Variants in EPS8 observed in about 807,000 individuals in gnomAD.
EPS8 encodes epidermal growth factor receptor kinase substrate 8.
EPS8 carries 42 observed loss-of-function variants against 103.8 expected under a neutral mutation model. The observed-to-expected ratio is 0.40, with a 90% CI of 0.32 to 0.52. The LOEUF (loss-of-function observed/expected upper bound fraction) is 0.52, where lower values mean the gene tolerates loss of function less well. Among genes scored for constraint, EPS8 ranks in the 20% least tolerant of loss-of-function variants. EPS8 has a pLI of 0.40. For missense variants in EPS8, 969 were observed against 1,005.1 expected, an observed-to-expected ratio of 0.96 and a Z score of 0.49; for synonymous variants, 344 against 344.6, an observed-to-expected ratio of 1.00 and a Z score of 0.02.
At position 15,629,026 on chromosome 12, in the gene EPS8, T is replaced by G. The variant is rs1294900592; in HGVS notation, c.2044+2416A>C. On this transcript the variant is annotated intron_variant, in intron 18 of 20. Transcript: ENST00000281172. Reference sequence around the variant, plus strand: ...GCCAAACTGTATTTTTGAGATATTTTAAAAAGGAACTTACATAAGTTGCAA... The same window carrying G: ...GCCAAACTGTATTTTTGAGATATTTGAAAAAGGAACTTACATAAGTTGCAA... Among the ~76,000 whole-genome samples the G allele has an allele frequency of 3.3e-5, 5 of 152,318 alleles. No individual in the cohort carries two copies. The East Asian group carries it at 9.6e-4, about 29-fold the overall frequency.
At chr12:15,635,871 G>T (rs182282593) in intron 17 of EPS8, among the ~76,000 whole-genome samples, 1 of 152,172 alleles carries the variant, frequency 6.6e-6, no homozygotes, top group African/African-American at 2.4e-5. Context: ...TATGGGAAAC[G>T]TTTTGTTGAA....
intron 18 of EPS8, among the ~76,000 whole-genome samples, chr12:15,624,704 T>G (rs1295243802): frequency 6.6e-6 from 1 of 152,236 alleles, no homozygotes; most frequent in Non-Finnish European, 1.5e-5. Context: ...AACACAACAA[T>G]GCTGAATGAT....
At chr12:15,675,827 T>C (rs1183577206) in intron 3 of EPS8, among the ~76,000 whole-genome samples, 1 of 152,210 alleles carries the variant, frequency 6.6e-6, no homozygotes, top group African/African-American at 2.4e-5. Flanking sequence ...ATATCTAATT[T>C]AAAGAGAAGT....
In EPS8 at chr12:15,681,242, A is replaced by T; in HGVS notation, c.120T>A (p.Ser40Arg). ...QTDREHGSKTSAKALYEQRKN... is the reference protein window; with the variant it reads ...QTDREHGSKTRAKALYEQRKN... ...CAAACCTACCATAAAGGGCCTTTGC[A>T]CTTGTTTTTGAACCATGTTCTCTGT... The change falls in exon 3 of 21, where the codon AGT becomes AGA. Residue 40 changes from serine to arginine, a missense_variant. Ser to Arg is a moderately radical substitution (Grantham distance 110, BLOSUM62 -1). Transcript: ENST00000281172. 1 of 1,568,934 alleles carries T rather than the reference A, an allele frequency of 6.4e-7. No homozygotes were observed. The highest frequency in any genetic ancestry group is 1.2e-5 in the South Asian group (1 of 84,662).
At chr12:15,756,729 C>T (rs1020660005) in intron 1 of EPS8, among the ~76,000 whole-genome samples, 4 of 152,032 alleles carry the variant, frequency 2.6e-5, no homozygotes, top group East Asian at 3.9e-4. Flanking sequence ...TTCTTATTTA[C>T]GTAGGAAGAA....
rs1946250862 is a variant in EPS8 at position 15,696,907 on chromosome 12, A to C, written c.-21-13935T>G. On this transcript the variant is annotated intron_variant, in intron 1 of 20. Coordinates refer to ENST00000281172, the MANE Select transcript of EPS8 (RefSeq NM_004447.6). This position sits in a 1 kb window ranked among gnomAD's most constrained non-coding sequence, Gnocchi z 4.8. ...ATTAGCAGGGAAGGGAGAGTGACCA[A>C]AGAACCTTCATGTTCCCGGATCACA... 6.6e-6 allele frequency among the ~76,000 whole-genome samples: 1 copy of C among 152,308 alleles called. No homozygotes were observed.
chr12:15,723,890 T>G (rs1946625089), intron 1 of EPS8, among the ~76,000 whole-genome samples: 1 of 152,154 alleles, frequency 6.6e-6, no homozygotes, highest in Non-Finnish European at 1.5e-5. Context: ...ACCTTAATTT[T>G]TACTGTAAAT....
At chr12:15,673,636 A>G (rs1013659873) in intron 3 of EPS8, among the ~76,000 whole-genome samples, 1 of 152,206 alleles carries the variant, frequency 6.6e-6, no homozygotes, top group African/African-American at 2.4e-5. Context: ...TGAACTTTAT[A>G]AAACAGTGTG....
intron 17 of EPS8, among the ~76,000 whole-genome samples, chr12:15,635,304 G>A (rs1282582587): frequency 6.6e-6 from 1 of 151,688 alleles, no homozygotes. Flanking sequence ...ATTTATAGTG[G>A]GTATTATTCA....
In EPS8 at chr12:15,706,630, T is replaced by C. The variant is rs921596226; in HGVS notation, c.-21-23658A>G. Among the ~76,000 whole-genome samples, 7 of 152,372 alleles carry C rather than the reference T, an allele frequency of 4.6e-5. No individual in the cohort carries two copies. Among genetic ancestry groups the C allele is most frequent in the Non-Finnish European group, 7.3e-5 (5 of 68,044 alleles). On this transcript the variant is annotated intron_variant, in intron 1 of 20. Coordinates refer to ENST00000281172, the MANE Select transcript of EPS8 (RefSeq NM_004447.6). This position sits in a 1 kb window ranked among gnomAD's most constrained non-coding sequence, Gnocchi z 5.2. Reference sequence around the variant, plus strand: ...TTTCTATTGAAGCAAAACACACTTTTGTATTTTGCATTTTCTTTCAAAAAC... The same window carrying C: ...TTTCTATTGAAGCAAAACACACTTTCGTATTTTGCATTTTCTTTCAAAAAC...
chr12:15,647,742 C>T (rs1395173437), intron 14 of EPS8, among the ~76,000 whole-genome samples: 1 of 152,130 alleles, frequency 6.6e-6, no homozygotes, highest in African/African-American at 2.4e-5. Flanking sequence ...TTCTCTTTTG[C>T]AGTTAAGATA....
At chr12:15,692,364 T>C (rs1946187335) in intron 1 of EPS8, among the ~76,000 whole-genome samples, 1 of 148,354 alleles carries the variant, frequency 6.7e-6, no homozygotes, top group Non-Finnish European at 1.5e-5. Flanking sequence ...TTTGAAGCCC[T>C]TGTGGTTCTG....
rs1947016961 is a variant in EPS8 at position 15,759,153 on chromosome 12, C to T, written c.-22+30008G>A. Among the ~76,000 whole-genome samples, 1 of 151,684 alleles carries T rather than the reference C, an allele frequency of 6.6e-6. No individual in the cohort carries two copies. The highest frequency in any genetic ancestry group is 1.5e-5 in the Non-Finnish European group (1 of 67,922). ...TTTCATAATATGGTATTGTTATATC[C>T]CCTATGTTTTCTTTTGGATTTCATA... On this transcript the variant is annotated intron_variant, in intron 1 of 20. Transcript: ENST00000281172. The surrounding 1 kb of genome is among the most constrained non-coding windows in gnomAD (Gnocchi z 4.9).
rs559267232 is a variant in EPS8, at chr12:15,688,987, G to A, written c.-21-6015C>T. Among the ~76,000 whole-genome samples the A allele has an allele frequency of 2.0e-5, 3 of 152,278 alleles. No homozygotes were observed. The highest frequency in any genetic ancestry group is 7.2e-5 in the African/African-American group (3 of 41,558). Reference sequence around the variant, plus strand: ...GCCTGCCAGTCTGCATGCTCCCCTAGAGGTCTGAGCAGCGGGGCACTGAAG... The same window carrying A: ...GCCTGCCAGTCTGCATGCTCCCCTAAAGGTCTGAGCAGCGGGGCACTGAAG... On this transcript the variant is annotated intron_variant, in intron 1 of 20. Coordinates refer to ENST00000281172, the MANE Select transcript of EPS8 (RefSeq NM_004447.6). This position sits in a 1 kb window ranked among gnomAD's most constrained non-coding sequence, Gnocchi z 5.1.
At chr12:15,644,108 T>C (rs985524223) in intron 15 of EPS8, among the ~76,000 whole-genome samples, 1 of 152,210 alleles carries the variant, frequency 6.6e-6, no homozygotes, top group African/African-American at 2.4e-5. Context: ...GGTAGACACA[T>C]TGAAAACCCA....
In EPS8 at chr12:15,757,628, G is replaced by T. The variant is rs1207157115; in HGVS notation, c.-22+31533C>A. ...CTGGCAACAGAGCGAGACTCCGTCTGAAGAAAAAAAAAAGAAAAAGAAAAA... is the reference window on the plus strand; with the variant it reads ...CTGGCAACAGAGCGAGACTCCGTCTTAAGAAAAAAAAAAGAAAAAGAAAAA... On this transcript the variant is annotated intron_variant, in intron 1 of 20. Transcript: ENST00000281172. This position sits in a 1 kb window ranked among gnomAD's most constrained non-coding sequence, Gnocchi z 4.1. 6.6e-6 allele frequency among the ~76,000 whole-genome samples: 1 copy of T among 150,520 alleles called. No homozygotes were observed. The highest frequency in any genetic ancestry group is 1.5e-5 in the Non-Finnish European group (1 of 67,726).
chr12:15,749,733 T>C lies in EPS8; in HGVS notation c.-22+39428A>G, dbSNP rs573981516. On this transcript the variant is annotated intron_variant, in intron 1 of 20. Coordinates refer to ENST00000281172, the MANE Select transcript of EPS8 (RefSeq NM_004447.6). This position sits in a 1 kb window ranked among gnomAD's most constrained non-coding sequence, Gnocchi z 4.0. The stretch of plus-strand genomic sequence containing the variant: ...TATTGCATTGTTCATTAAAATCAAA[T>C]ATAAAATTAAGTGATTACATGTTGA... 4.5e-4 allele frequency among the ~76,000 whole-genome samples: 68 copies of C among 152,304 alleles called. No homozygotes were observed. Among genetic ancestry groups the C allele is most frequent in the African/African-American group, 1.6e-3 (66 of 41,548 alleles).
Position 15,693,713 on chromosome 12 carries a change from TA to T in EPS8, c.-21-10742del, listed in dbSNP as rs1348796782. ...ACCACCATGGAATACTATGCAGCCA[TA>T]AAAAGGAATGAAAACATGTCCTTTG... On this transcript the variant is annotated intron_variant, in intron 1 of 20. Transcript: ENST00000281172. The surrounding 1 kb of genome is among the most constrained non-coding windows in gnomAD (Gnocchi z 5.6). Among the ~76,000 whole-genome samples, 1 of 152,284 alleles carries T rather than the reference TA, an allele frequency of 6.6e-6. No homozygotes were observed. Among genetic ancestry groups the T allele is most frequent in the East Asian group, 1.9e-4 (1 of 5,188 alleles).
At chr12:15,671,064 T>C in intron 3 of EPS8, 141 bp from the exon 4 acceptor site, 1 of 519,840 alleles carries the variant, frequency 1.9e-6, no homozygotes, top group Non-Finnish European at 3.4e-6. Context: ...GTGGTGTATC[T>C]GAAAACACTC....
Sources: allele counts gnomAD v4.1 joint callset (sites outside exome capture counted in the v4.1 genomes callset), GRCh38; gene constraint gnomAD v4.1.1; non-coding constraint Gnocchi (gnomAD v3.1); transcripts MANE v1.5; gene names NCBI Gene and HGNC (gene_info 2026-07-23, HGNC 2026-07-21).